The following UNC79 variants were observed in gnomAD, a reference collection of about 807,000 sequenced individuals.
UNC79 encodes protein unc-79 homolog.
In UNC79, 37 loss-of-function variants were observed where a neutral mutation model predicts 283.1. The ratio of observed to expected loss-of-function variants is 0.13; its 90% CI spans 0.10 to 0.17. The LOEUF is 0.17. UNC79 is among the 10% of genes least tolerant of loss of function. UNC79 has a pLI of 1.00. For synonymous variants in UNC79, 1,107 were observed against 1,200.2 expected, an observed-to-expected ratio of 0.92 and a Z score of 1.61; for missense variants, 2,272 against 3,211.1, an observed-to-expected ratio of 0.71 and a Z score of 7.07.
intron 4 of UNC79, among the ~76,000 whole-genome samples, 196 bp from the exon 5 acceptor site, chr14:93,487,467 A>G (rs1274024072): frequency 6.6e-6 from 1 of 151,990 alleles, no homozygotes; most frequent in Non-Finnish European, 1.5e-5. Flanking sequence ...TTCTCACTCA[A>G]TTTTCCTATG....
intron 24 of UNC79, among the ~76,000 whole-genome samples, chr14:93,599,967 C>T (rs1264376584): frequency 2.0e-5 from 3 of 151,380 alleles, no homozygotes; most frequent in Non-Finnish European, 2.9e-5. Context: ...TTTGGGAGGC[C>T]AAGGAGGGCA....
chr14:93,382,065 C>G (rs1218361774), intron 1 of UNC79, among the ~76,000 whole-genome samples: 1 of 152,280 alleles, frequency 6.6e-6, no homozygotes, highest in South Asian at 2.1e-4. Flanking sequence ...CTGAACTGGA[C>G]ATATTATTAA....
At chr14:93,488,882 A>G (rs958938681) in intron 5 of UNC79, among the ~76,000 whole-genome samples, 5 of 152,146 alleles carry the variant, frequency 3.3e-5, no homozygotes, top group Admixed American at 2.0e-4. Context: ...TGACCTAATT[A>G]CTTCCTAAAG....
At position 93,474,575 on chromosome 14, in the gene UNC79, T is replaced by TG; in HGVS notation, c.448+182_448+183insG. On this transcript the variant is annotated intron_variant, in intron 3 of 48. Transcript: ENST00000555664. This position sits in a 1 kb window ranked among gnomAD's most constrained non-coding sequence, Gnocchi z 4.1. ...TCCCATACTATTATTTTACACTGTT[T>TG]TATTGCCAGAGGGATGTTATCCAAG... Among the ~76,000 whole-genome samples the TG allele has an allele frequency of 6.6e-6, 1 of 152,288 alleles. No homozygotes were observed. The highest frequency in any genetic ancestry group is 2.4e-5 in the African/African-American group (1 of 41,560).
At chr14:93,394,322 G>A (rs1053583295) in intron 1 of UNC79, among the ~76,000 whole-genome samples, 2 of 146,442 alleles carry the variant, frequency 1.4e-5, no homozygotes, top group Admixed American at 1.4e-4. Context: ...CATCAACACA[G>A]GTTTTTAATT....
chr14:93,582,091 G>A (rs2063861093), intron 19 of UNC79, 112 bp from the exon 20 acceptor site: 1 of 1,546,808 alleles, frequency 6.5e-7, no homozygotes, highest in Non-Finnish European at 8.8e-7. Context: ...GGCCTCAGCA[G>A]CATGGGACCC....
At chr14:93,612,103 C>T (rs1236497078) in intron 26 of UNC79, among the ~76,000 whole-genome samples, 1 of 152,206 alleles carries the variant, frequency 6.6e-6, no homozygotes, top group African/African-American at 2.4e-5. Flanking sequence ...GAACTTTCCG[C>T]TCACCTTCAT....
chr14:93,357,944 GAGATATATATCT>G (rs2054146452), intron 1 of UNC79, among the ~76,000 whole-genome samples: 1 of 50,258 alleles, frequency 2.0e-5, no homozygotes, highest in African/African-American at 8.6e-5. Context: ...TGGATATATG[GAGATATATATCT>G]ATATATATCC....
intron 34 of UNC79, among the ~76,000 whole-genome samples, chr14:93,645,281 C>T (rs1596214577): frequency 6.6e-6 from 1 of 152,238 alleles, no homozygotes; most frequent in African/African-American, 2.4e-5. Flanking sequence ...AGGATTGAAA[C>T]ACATGAGCTT....
intron 41 of UNC79, among the ~76,000 whole-genome samples, chr14:93,677,585 T>C (rs547481494): frequency 2.6e-4 from 39 of 152,284 alleles, no homozygotes; most frequent in South Asian, 6.2e-4. Context: ...CAAGGTGAGA[T>C]TTGTGTGGGG....
At chr14:93,468,536 A>G (rs2140276055) in intron 2 of UNC79, among the ~76,000 whole-genome samples, 1 of 152,362 alleles carries the variant, frequency 6.6e-6, no homozygotes, top group Non-Finnish European at 1.5e-5. Flanking sequence ...TGATTTTGGC[A>G]ACACATAAAT....
At chr14:93,380,271 A>T (rs918569223) in intron 1 of UNC79, among the ~76,000 whole-genome samples, 10 of 152,204 alleles carry the variant, frequency 6.6e-5, no homozygotes, top group African/African-American at 2.4e-4. Flanking sequence ...TTATAAAATG[A>T]CACATTAATA....
chr14:93,552,138 C>T (rs2061930785), intron 14 of UNC79, among the ~76,000 whole-genome samples: 1 of 152,116 alleles, frequency 6.6e-6, no homozygotes, highest in African/African-American at 2.4e-5. Context: ...ATGCCTAAGT[C>T]CAGTTTAATA....
chr14:93,701,900 C>T (rs567509067), intron 47 of UNC79, among the ~76,000 whole-genome samples: 51 of 152,308 alleles, frequency 3.3e-4, no homozygotes, highest in South Asian at 2.5e-3. Context: ...TTCACATGGA[C>T]GCTTAGCCAC....
intron 1 of UNC79, among the ~76,000 whole-genome samples, chr14:93,400,206 C>G (rs918569393): frequency 1.3e-5 from 2 of 152,040 alleles, no homozygotes; most frequent in African/African-American, 4.8e-5. Flanking sequence ...GATGGTTTAC[C>G]TGAGAAGAAA....
At chr14:93,622,823 G>A (rs1394866301) in exon 30 of UNC79, 2 of 1,613,350 alleles carry the variant, frequency 1.2e-6, no homozygotes, top group East Asian at 2.2e-5. Flanking sequence ...GGACAAACTG[G>A]GAGAACAGAA....
chr14:93,490,251 T>C (rs1351974663), intron 5 of UNC79, among the ~76,000 whole-genome samples: 1 of 152,156 alleles, frequency 6.6e-6, no homozygotes, highest in African/African-American at 2.4e-5. Context: ...CTGGCTTCTG[T>C]TGAGATGGCT....
At chr14:93,454,871 T>C (rs2056752743) in intron 1 of UNC79, among the ~76,000 whole-genome samples, 1 of 152,224 alleles carries the variant, frequency 6.6e-6, no homozygotes, top group Non-Finnish European at 1.5e-5. Context: ...TGTTAAATGC[T>C]AAGAAATGTA....
intron 1 of UNC79, chr14:93,334,778 G>A (rs1415496944): frequency 6.6e-6 from 1 of 152,272 alleles, no homozygotes; most frequent in East Asian, 1.9e-4. Flanking sequence ...CGGACAGGCA[G>A]ACTTGAGTAT....
Sources: allele counts gnomAD v4.1 joint callset (sites outside exome capture counted in the v4.1 genomes callset), GRCh38; gene constraint gnomAD v4.1.1; non-coding constraint Gnocchi (gnomAD v3.1); transcripts MANE v1.5; gene names NCBI Gene and HGNC (gene_info 2026-07-23, HGNC 2026-07-21).